AP1G1: variants seen among roughly 807,000 people sequenced by gnomAD.
The protein encoded by AP1G1 is adaptor related protein complex 1 subunit gamma 1.
In AP1G1, 7 loss-of-function variants were observed where a neutral mutation model predicts 108.3. The observed-to-expected ratio is 0.06, with a 90% CI of 0.04 to 0.12. The LOEUF is 0.12. AP1G1 is among the 10% of genes least tolerant of loss of function. The pLI is 1.00. For missense variants in AP1G1, 756 were observed against 1,010.7 expected (o/e 0.75, Z 3.42); for synonymous variants, 379 against 353.5 (o/e 1.07, Z -0.81).
chr16:71,763,011 C>G (rs907066102), intron 9 of AP1G1, among the ~76,000 whole-genome samples: 8 of 152,146 alleles, frequency 5.3e-5, no homozygotes, highest in African/African-American at 1.7e-4. Flanking sequence ...TTAGAAGATA[C>G]CCAGCTGGTA....
intron 2 of AP1G1, among the ~76,000 whole-genome samples, chr16:71,783,689 C>G (rs1226365214): frequency 6.6e-6 from 1 of 152,118 alleles, no homozygotes; most frequent in African/African-American, 2.4e-5. Context: ...AAGGCTAGAA[C>G]TGAGGAAAAA....
At chr16:71,754,284 GGAAA>G (rs1456868395) in intron 12 of AP1G1, among the ~76,000 whole-genome samples, 5 of 139,202 alleles carry the variant, frequency 3.6e-5, no homozygotes, top group African/African-American at 5.4e-5. Flanking sequence ...GAAGATGGAA[GGAAA>G]GAAGGAAGGA....
intron 1 of AP1G1, among the ~76,000 whole-genome samples, chr16:71,793,559 C>G (rs2032478525): frequency 6.6e-6 from 1 of 152,206 alleles, no homozygotes; most frequent in Non-Finnish European, 1.5e-5. Context: ...CTATATACAG[C>G]AGAAACAAGC....
intron 2 of AP1G1, among the ~76,000 whole-genome samples, chr16:71,781,516 A>C (rs1014033834): frequency 1.3e-5 from 2 of 152,206 alleles, no homozygotes; most frequent in Non-Finnish European, 2.9e-5. Flanking sequence ...TCAGAACCCT[A>C]AACTGCTGCT....
At chr16:71,772,169 C>T (rs955550428) in intron 4 of AP1G1, among the ~76,000 whole-genome samples, 1 of 149,452 alleles carries the variant, frequency 6.7e-6, no homozygotes, top group East Asian at 2.0e-4. Context: ...CTCGCTCAGT[C>T]GCCCAGGCTA....
At chr16:71,786,982 C>G (rs749617082) in intron 2 of AP1G1, among the ~76,000 whole-genome samples, 1 of 151,640 alleles carries the variant, frequency 6.6e-6, no homozygotes, top group Non-Finnish European at 1.5e-5. Context: ...CTGAGGTGTC[C>G]ACTGCACAAT....
intron 19 of AP1G1, among the ~76,000 whole-genome samples, chr16:71,744,319 T>C (rs1017338469): frequency 4.6e-5 from 7 of 152,194 alleles, no homozygotes; most frequent in Non-Finnish European, 1.0e-4. Flanking sequence ...GACTGGTATA[T>C]ATGAACAGAA....
intron 6 of AP1G1, 51 bp downstream of exon 6, chr16:71,769,572 G>C (rs1434691370): frequency 1.3e-6 from 2 of 1,510,376 alleles, no homozygotes; most frequent in Non-Finnish European, 9.2e-7. Flanking sequence ...TACTTTTCAG[G>C]AAAATCATTT....
At chr16:71,773,698 T>G (rs763458344) in intron 3 of AP1G1, among the ~76,000 whole-genome samples, 5 of 152,082 alleles carry the variant, frequency 3.3e-5, no homozygotes, top group Non-Finnish European at 5.9e-5. Flanking sequence ...ATCCTAGCAC[T>G]TTCAGAGGCC....
chr16:71,764,370 T>C lies in AP1G1; in HGVS notation c.898A>G (p.Lys300Glu), dbSNP rs1161498643. 6.2e-7 allele frequency: 1 copy of C among 1,603,976 alleles called. No individual in the cohort carries two copies. The highest frequency in any genetic ancestry group is 8.5e-7 in the Non-Finnish European group (1 of 1,174,008). The change falls in exon 9 of 23, where the codon AAG (lysine) becomes GAG (glutamate). Residue 300 changes from lysine to glutamate, a missense_variant. Around this residue, in one of 3 missense-constraint regions of AP1G1, gnomAD observed 304 missense variants for 483.6 expected, o/e 0.63. Coordinates refer to ENST00000299980, the MANE Select transcript of AP1G1 (RefSeq NM_001128.6). ...YETVLTIMDI[K>E]SESGLRVLAI... ...CTTACTCGCAATCCACTCTCTGACT[T>C]AATATCCATGATAGTCAAAACCGTT...
chr16:71,794,597 T>C (rs1404717306), intron 1 of AP1G1, among the ~76,000 whole-genome samples: 1 of 151,972 alleles, frequency 6.6e-6, no homozygotes. Flanking sequence ...TTAAGCAAAA[T>C]TGGGTTTTGG....
chr16:71,733,738 G>A (rs1338433166), intron 22 of AP1G1, among the ~76,000 whole-genome samples: 1 of 152,094 alleles, frequency 6.6e-6, no homozygotes, highest in Non-Finnish European at 1.5e-5. Flanking sequence ...AAAAAATGAG[G>A]TGAACATATA....
intron 12 of AP1G1, 94 bp from the exon 13 acceptor site, chr16:71,753,981 T>C (rs2030639158): frequency 1.7e-6 from 2 of 1,193,546 alleles, no homozygotes; most frequent in Non-Finnish European, 2.5e-6. Context: ...GACTCACACC[T>C]GTCATCCCAA....
chr16:71,807,739 A>G (rs924646424), intron 1 of AP1G1: 1 of 1,122,072 alleles, frequency 8.9e-7, no homozygotes, highest in Non-Finnish European at 1.2e-6. Context: ...CTAAGAAAGC[A>G]CTAACTCCTC....
Position 71,787,656 on chromosome 16 carries a change from T to C in AP1G1, c.201+1623A>G, listed in dbSNP as rs577374375. Among the ~76,000 whole-genome samples, 49 of 152,282 alleles carry C rather than the reference T, an allele frequency of 3.2e-4. 1 individual carries two copies. The highest frequency in any genetic ancestry group is 3.4e-3 in the Middle Eastern group (1 of 294). On this transcript the variant is annotated intron_variant, in intron 2 of 22. Coordinates refer to ENST00000299980, the MANE Select transcript of AP1G1 (RefSeq NM_001128.6). ...TCAGATTTCTGTAAATCTAACCTAA[T>C]ACTTAAAATCAATCAACCGATCAAC... is the stretch of plus-strand genomic sequence containing the variant.
rs1475159386 is a variant in AP1G1 at position 71,793,526 on chromosome 16, AAAAC to A, written c.-3-4048_-3-4045del. ...AAGGGAAGAAACAAAAGCAGCAACA[AAAAC>A]AAACAAATAAATAAAAACCTATATA... On this transcript the variant is annotated intron_variant, in intron 1 of 22. Coordinates refer to ENST00000299980, the MANE Select transcript of AP1G1 (RefSeq NM_001128.6). Among the ~76,000 whole-genome samples, 14 of 152,324 alleles carry A rather than the reference AAAAC, an allele frequency of 9.2e-5. No individual in the cohort carries two copies. The East Asian group carries it at 9.6e-4, about 10-fold the overall frequency.
intron 1 of AP1G1, among the ~76,000 whole-genome samples, chr16:71,806,162 G>A (rs2032991985): frequency 1.3e-5 from 2 of 152,006 alleles, no homozygotes; most frequent in South Asian, 4.1e-4. Context: ...GGCAAATTCT[G>A]TACTTTAAAG....
chr16:71,740,538 T>C lies in AP1G1; in HGVS notation c.2000-1197A>G, dbSNP rs143600405. ...GATAATGAATAAGTAAACTGATATATTGATATACTAAAATACTACACATGT... is the reference window on the plus strand; with the variant it reads ...GATAATGAATAAGTAAACTGATATACTGATATACTAAAATACTACACATGT... On this transcript the variant is annotated intron_variant, in intron 19 of 22. Transcript: ENST00000299980. Among the ~76,000 whole-genome samples, 343 of 152,294 alleles carry C rather than the reference T, an allele frequency of 2.3e-3. 2 individuals carry two copies. The highest frequency in any genetic ancestry group is 7.0e-3 in the African/African-American group (290 of 41,550).
Position 71,753,868 on chromosome 16 carries a change from A to G in AP1G1, c.1249T>C (p.Trp417Arg). 1 of 1,614,130 alleles carries G rather than the reference A, an allele frequency of 6.2e-7. No homozygotes were observed. Among genetic ancestry groups the G allele is most frequent in the Non-Finnish European group, 8.5e-7 (1 of 1,179,978 alleles). Residue 417 changes from tryptophan (W) to arginine (R), a missense_variant, in exon 13 of 23, where the codon TGG becomes CGG. By Grantham distance (101) the Trp-to-Arg change is moderately radical. Transcript: ENST00000299980. ...AAEKYAPSKR[W>R]HIDTIMRVLT... The stretch of plus-strand genomic sequence containing the variant: ...ACACGCATAATTGTGTCTATATGCC[A>G]TCGTTTGGAAGGTGCATACCTGAAA...
Sources: allele counts gnomAD v4.1 joint callset (sites outside exome capture counted in the v4.1 genomes callset), GRCh38; gene constraint gnomAD v4.1.1; regional missense constraint gnomAD v4.1.1; transcripts MANE v1.5; gene names NCBI Gene and HGNC (gene_info 2026-07-23, HGNC 2026-07-21).